Variants in HELZ observed in about 807,000 individuals in gnomAD.
HELZ encodes ATP-dependent RNA helicase with zinc finger domain.
In HELZ, 23 loss-of-function variants were observed where a neutral mutation model predicts 218.2. The observed-to-expected ratio is 0.11, with a 90% CI of 0.08 to 0.15. The LOEUF (loss-of-function observed/expected upper bound fraction) is 0.15. Ranked by LOEUF, HELZ falls within the 10% of genes least tolerant of loss-of-function variation. The pLI, the probability that HELZ is intolerant of heterozygous loss-of-function variation, is 1.00. For missense variants in HELZ, 1,813 were observed against 2,353.7 expected, an observed-to-expected ratio of 0.77 and a Z score of 4.75; for synonymous variants, 814 against 829.4, an observed-to-expected ratio of 0.98 and a Z score of 0.32.
intron 3 of HELZ, among the ~76,000 whole-genome samples, chr17:67,235,758 T>TC (rs2041163637): frequency 6.9e-6 from 1 of 143,962 alleles, no homozygotes; most frequent in Non-Finnish European, 1.5e-5. Flanking sequence ...TCTTTTTTTT[T>TC]TTTTTTTTTT....
At chr17:67,240,431 T>C (rs1281690388) in intron 2 of HELZ, among the ~76,000 whole-genome samples, 2 of 152,228 alleles carry the variant, frequency 1.3e-5, no homozygotes, top group Non-Finnish European at 2.9e-5. Context: ...ACATAAGTAC[T>C]GCTCAAATTT....
intron 15 of HELZ, among the ~76,000 whole-genome samples, chr17:67,164,303 A>G (rs1234710333): frequency 6.6e-6 from 1 of 152,226 alleles, no homozygotes; most frequent in Non-Finnish European, 1.5e-5. Flanking sequence ...TTGTTAAAAT[A>G]TTGACATGGA....
intron 5 of HELZ, among the ~76,000 whole-genome samples, chr17:67,207,588 A>C (rs969090759): frequency 7.2e-5 from 11 of 152,190 alleles, no homozygotes; most frequent in Non-Finnish European, 1.6e-4. Flanking sequence ...AGCCTAATGA[A>C]GGTATTTTTT....
At chr17:67,211,526 TTACTC>T (rs1210193049) in intron 5 of HELZ, among the ~76,000 whole-genome samples, 1 of 152,152 alleles carries the variant, frequency 6.6e-6, no homozygotes, top group Non-Finnish European at 1.5e-5. Flanking sequence ...ATTATATCAT[TTACTC>T]TACTTTCCTG....
intron 32 of HELZ, among the ~76,000 whole-genome samples, chr17:67,083,044 A>T (rs1247926889): frequency 6.6e-6 from 1 of 151,798 alleles, no homozygotes; most frequent in Non-Finnish European, 1.5e-5. Flanking sequence ...TTTAGCAAAG[A>T]AGGGGTTTCA....
chr17:67,230,822 A>T (rs2041018589), intron 3 of HELZ, among the ~76,000 whole-genome samples: 1 of 152,132 alleles, frequency 6.6e-6, no homozygotes, highest in South Asian at 2.1e-4. Flanking sequence ...ATTATGTTCT[A>T]ATGCTGTATT....
At chr17:67,155,264 T>G (rs2038805407) in intron 17 of HELZ, among the ~76,000 whole-genome samples, 1 of 152,008 alleles carries the variant, frequency 6.6e-6, no homozygotes, top group South Asian at 2.1e-4. Flanking sequence ...CAAAGAGAAG[T>G]ATCAGCATAA....
At chr17:67,193,137 G>A (rs2039939329) in intron 9 of HELZ, among the ~76,000 whole-genome samples, 1 of 151,912 alleles carries the variant, frequency 6.6e-6, no homozygotes, top group Admixed American at 6.6e-5. Flanking sequence ...GAGCTCAGGA[G>A]TTCAAAACCA....
intron 31 of HELZ, among the ~76,000 whole-genome samples, chr17:67,098,629 A>G (rs2036826347): frequency 6.6e-6 from 1 of 151,944 alleles, no homozygotes. Context: ...CTGTAATCCC[A>G]GCTACTTGGG....
chr17:67,086,639 T>A (rs948718642), intron 32 of HELZ, among the ~76,000 whole-genome samples, 190 bp downstream of exon 32: 1 of 86,380 alleles, frequency 1.2e-5, no homozygotes, highest in Non-Finnish European at 2.6e-5. Context: ...TAAATATATA[T>A]ATATATATAT....
rs920046760 is a variant in HELZ, at chr17:67,108,146, G to A, written c.4724+346C>T. 1.4e-4 allele frequency among the ~76,000 whole-genome samples: 22 copies of A among 152,074 alleles called. No individual in the cohort carries two copies. The highest frequency in any genetic ancestry group is 4.1e-4 in the African/African-American group (17 of 41,398). Reference sequence around the variant, plus strand: ...GATATAATTTTTAGCTTTTAACCACGAATTTACTCCTGTCTTTATTCATTC... The same window carrying A: ...GATATAATTTTTAGCTTTTAACCACAAATTTACTCCTGTCTTTATTCATTC... On this transcript the variant is annotated intron_variant, in intron 30 of 32. Transcript: ENST00000358691. This position sits in a 1 kb window ranked among gnomAD's most constrained non-coding sequence, Gnocchi z 4.1.
At chr17:67,153,322 A>AAC (rs1382804639) in intron 17 of HELZ, among the ~76,000 whole-genome samples, 4 of 152,202 alleles carry the variant, frequency 2.6e-5, no homozygotes, top group African/African-American at 9.7e-5. Context: ...CCTAGAAAAG[A>AAC]ACAGTTTAGA....
At chr17:67,105,439 T>C (rs1430742416) in intron 31 of HELZ, among the ~76,000 whole-genome samples, 3 of 152,178 alleles carry the variant, frequency 2.0e-5, no homozygotes, top group African/African-American at 7.2e-5. Flanking sequence ...AGATTAGTGG[T>C]TACTAATCTG....
chr17:67,237,637 G>T (rs1456525061), intron 3 of HELZ, among the ~76,000 whole-genome samples: 1 of 152,146 alleles, frequency 6.6e-6, no homozygotes, highest in Non-Finnish European at 1.5e-5. Context: ...AATAGCTGGA[G>T]ATATTCTTTT....
At chr17:67,115,387 AT>A (rs991389876) in intron 27 of HELZ, among the ~76,000 whole-genome samples, 1 of 152,114 alleles carries the variant, frequency 6.6e-6, no homozygotes, top group African/African-American at 2.4e-5. Flanking sequence ...ACAGAAAAAA[AT>A]ATCTGAAAAG....
intron 26 of HELZ, among the ~76,000 whole-genome samples, chr17:67,122,328 A>G (rs1425146373): frequency 3.3e-5 from 5 of 152,078 alleles, no homozygotes; most frequent in Admixed American, 2.0e-4. Context: ...GGCGGATCAC[A>G]AGGTCAGGAG....
rs1222568853 is a variant in HELZ at position 67,071,538 on chromosome 17, T to G, written c.*6714A>C. 6.6e-6 allele frequency: 1 copy of G among 152,136 alleles called. No individual in the cohort carries two copies. Among genetic ancestry groups the G allele is most frequent in the African/African-American group, 2.4e-5 (1 of 41,442 alleles). 9.4% of individuals were successfully genotyped at this position (152,136 alleles called of 1,614,324 possible). On this transcript the variant is annotated 3_prime_UTR_variant, in exon 33 of 33. Coordinates refer to ENST00000358691, the MANE Select transcript of HELZ (RefSeq NM_014877.4). ...TTCTACGATGGTCTTCACGTGTACT[T>G]TTACACCTAAGTCATTCTGTATTCT...
At chr17:67,139,213 A>C (rs1209023999) in intron 21 of HELZ, among the ~76,000 whole-genome samples, 1 of 152,126 alleles carries the variant, frequency 6.6e-6, no homozygotes, top group African/African-American at 2.4e-5. Flanking sequence ...TGAACTACAG[A>C]GGTAAGGACT....
intron 15 of HELZ, among the ~76,000 whole-genome samples, chr17:67,164,541 T>C (rs949618894): frequency 6.6e-6 from 1 of 152,338 alleles, no homozygotes; most frequent in African/African-American, 2.4e-5. Flanking sequence ...AGTGTGACTA[T>C]ATTTAACACT....
Sources: allele counts gnomAD v4.1 joint callset (sites outside exome capture counted in the v4.1 genomes callset), GRCh38; gene constraint gnomAD v4.1.1; non-coding constraint Gnocchi (gnomAD v3.1); transcripts MANE v1.5; gene names NCBI Gene and HGNC (gene_info 2026-07-23, HGNC 2026-07-21).